Variants in ITGA1 observed in about 807,000 individuals in gnomAD.
The protein encoded by ITGA1 is integrin subunit alpha 1, also known as integrin alpha-1.
A neutral mutation model predicts 145.9 loss-of-function variants in ITGA1; 85 were observed. The observed-to-expected ratio is 0.58, with a 90% CI of 0.49 to 0.70. The LOEUF is 0.70. Ranked by LOEUF, ITGA1 falls within the 30% of genes least tolerant of loss-of-function variation. The pLI, the probability that ITGA1 is intolerant of heterozygous loss-of-function variation, is 0.00. For missense variants in ITGA1, 1,351 were observed against 1,418.7 expected (o/e 0.95, Z 0.77); for synonymous variants, 520 against 495.3 (o/e 1.05, Z -0.66).
chr5:52,810,890 A>C (rs1376713326), intron 1 of ITGA1, among the ~76,000 whole-genome samples: 2 of 152,216 alleles, frequency 1.3e-5, no homozygotes, highest in African/African-American at 4.8e-5. Flanking sequence ...AATGTGGAGA[A>C]GGTCAAGGCC....
At chr5:52,906,023 G>C in intron 12 of ITGA1, 115 bp downstream of exon 12, 2 of 843,808 alleles carry the variant, frequency 2.4e-6, no homozygotes, top group South Asian at 3.9e-5. Flanking sequence ...TAACAACTGG[G>C]AACAGGGCCC....
At chr5:52,807,416 A>G (rs982362933) in intron 1 of ITGA1, among the ~76,000 whole-genome samples, 13 of 151,844 alleles carry the variant, frequency 8.6e-5, no homozygotes, top group Non-Finnish European at 1.9e-4. Context: ...TCTGATGCAA[A>G]AAAAATGAAA....
intron 11 of ITGA1, among the ~76,000 whole-genome samples, chr5:52,900,019 T>C (rs959680878): frequency 6.6e-6 from 1 of 152,160 alleles, no homozygotes; most frequent in African/African-American, 2.4e-5. Flanking sequence ...ACACTGAGTT[T>C]ATAGGGAATA....
intron 8 of ITGA1, among the ~76,000 whole-genome samples, chr5:52,890,174 C>T (rs1750123933): frequency 6.6e-6 from 1 of 152,172 alleles, no homozygotes. Context: ...CCTTCCTCCA[C>T]CTGGGTAACC....
chr5:52,882,112 A>G, intron 7 of ITGA1, 91 bp downstream of exon 7: 2 of 1,103,888 alleles, frequency 1.8e-6, no homozygotes, highest in South Asian at 4.2e-5. Context: ...AAAGTTTAAT[A>G]TGACAATATT....
At chr5:52,919,433 C>T (rs1750699953) in intron 16 of ITGA1, among the ~76,000 whole-genome samples, 1 of 152,126 alleles carries the variant, frequency 6.6e-6, no homozygotes, top group Admixed American at 6.6e-5. Flanking sequence ...ATCAGGTCAG[C>T]CTGTGCTTCC....
chr5:52,913,416 A>G, intron 14 of ITGA1, among the ~76,000 whole-genome samples: 1 of 152,206 alleles, frequency 6.6e-6, no homozygotes, highest in East Asian at 1.9e-4. Flanking sequence ...TAATCCTTAG[A>G]AAAAATAAAT....
intron 1 of ITGA1, among the ~76,000 whole-genome samples, chr5:52,839,382 A>G (rs1749216604): frequency 6.6e-6 from 1 of 152,168 alleles, no homozygotes; most frequent in Non-Finnish European, 1.5e-5. Context: ...TCACGAAACA[A>G]TTTTAGCTCC....
chr5:52,841,324 C>T (rs960321612), intron 1 of ITGA1, among the ~76,000 whole-genome samples: 1 of 152,046 alleles, frequency 6.6e-6, no homozygotes, highest in Non-Finnish European at 1.5e-5. Context: ...ATGTCATTTC[C>T]AAATGGTTGT....
At position 52,952,790 on chromosome 5, in the gene ITGA1, A is replaced by G. The variant is rs920069046; in HGVS notation, c.*339A>G. On this transcript the variant is annotated 3_prime_UTR_variant, in exon 29 of 29. Transcript: ENST00000282588. ...TATATAAAAAGATTTTTATGATCATAGAAACATCTATTTTCAAAACAATAT... is the reference window on the plus strand; with the variant it reads ...TATATAAAAAGATTTTTATGATCATGGAAACATCTATTTTCAAAACAATAT... 6.4e-6 allele frequency: 1 copy of G among 155,086 alleles called. No homozygotes were observed. Among genetic ancestry groups the G allele is most frequent in the Non-Finnish European group, 1.4e-5 (1 of 70,042 alleles). 9.6% of individuals were successfully genotyped at this position (155,086 alleles called of 1,614,324 possible). A position where few individuals can be genotyped will look rare whatever the true frequency, so the allele number is the denominator to read the frequency against.
intron 28 of ITGA1, 38 bp downstream of exon 28, chr5:52,947,499 A>C (rs1344386741): frequency 8.8e-7 from 1 of 1,135,828 alleles, no homozygotes; most frequent in African/African-American, 1.5e-5. Context: ...TACTTCAATC[A>C]TCAACAGCAA....
intron 12 of ITGA1, 147 bp from the exon 13 acceptor site, chr5:52,908,751 C>G (rs1750449791): frequency 1.3e-6 from 1 of 771,296 alleles, no homozygotes; most frequent in Admixed American, 2.7e-5. Context: ...CAATAAATAA[C>G]TTTCAGGGAG....
At chr5:52,908,839 C>T (rs1041544947) in intron 12 of ITGA1, 59 bp from the exon 13 acceptor site, 16 of 1,577,106 alleles carry the variant, frequency 1.0e-5, no homozygotes, top group Non-Finnish European at 1.4e-5. Context: ...ATGTAGATTT[C>T]AGTTTCCTTG....
At chr5:52,935,923 C>A (rs1750960198) in intron 23 of ITGA1, among the ~76,000 whole-genome samples, 1 of 145,566 alleles carries the variant, frequency 6.9e-6, no homozygotes, top group African/African-American at 2.5e-5. Flanking sequence ...ATTTTTTAAT[C>A]AGAAAAAAAT....
chr5:52,798,545 T>C (rs993977524), intron 1 of ITGA1, among the ~76,000 whole-genome samples: 16 of 152,258 alleles, frequency 1.1e-4, no homozygotes, highest in African/African-American at 3.9e-4. Flanking sequence ...TCTGGGAAGA[T>C]GATTTTGAGG....
At chr5:52,800,690 A>G in intron 1 of ITGA1, 1 of 1,614,180 alleles carries the variant, frequency 6.2e-7, no homozygotes, top group Non-Finnish European at 8.5e-7. Flanking sequence ...ATGGGGGCTT[A>G]CCACACCATC....
At chr5:52,866,253 T>C (rs73106307) in intron 6 of ITGA1, among the ~76,000 whole-genome samples, 4,715 of 152,202 alleles carry the variant, frequency 0.031, 256 homozygotes, top group African/African-American at 0.11. Context: ...TAGCCTCTGG[T>C]TGATACACCT....
At chr5:52,911,578 ATATATAGTGTAT>A (rs1283183286) in intron 14 of ITGA1, among the ~76,000 whole-genome samples, 46 of 71,056 alleles carry the variant, frequency 6.5e-4, no homozygotes, top group African/African-American at 1.0e-3. Context: ...TATATACTAT[ATATATAGTGTAT>A]CTACTATATA....
At chr5:52,791,637 G>A (rs1748243730) in intron 1 of ITGA1, among the ~76,000 whole-genome samples, 1 of 152,102 alleles carries the variant, frequency 6.6e-6, no homozygotes, top group African/African-American at 2.4e-5. Flanking sequence ...TATGTGCAAG[G>A]CACTGTGCCA....
Sources: allele counts gnomAD v4.1 joint callset (sites outside exome capture counted in the v4.1 genomes callset), GRCh38; gene constraint gnomAD v4.1.1; transcripts MANE v1.5; gene names NCBI Gene and HGNC (gene_info 2026-07-23, HGNC 2026-07-21).